RERE: variants seen among roughly 807,000 people sequenced by gnomAD.
The protein encoded by RERE is arginine-glutamic acid dipeptide repeats, also known as arginine-glutamic acid dipeptide repeats protein.
RERE carries 40 observed loss-of-function variants against 146.1 expected under a neutral mutation model. The ratio of observed to expected loss-of-function variants is 0.27; its 90% CI spans 0.21 to 0.36. The LOEUF (loss-of-function observed/expected upper bound fraction) is 0.36. RERE is among the 10% of genes least tolerant of loss of function. The pLI, the probability that RERE is intolerant of heterozygous loss-of-function variation, is 1.00. For missense variants in RERE, 1,933 were observed against 2,138.7 expected (o/e 0.90, Z 1.90); for synonymous variants, 1,003 against 866.0 (o/e 1.16, Z -2.78).
Position 8,360,913 on chromosome 1 carries a change from T to C in RERE, c.2594A>G (p.His865Arg). ...HSLQAGPLLQ[H>R]PGPPQPFGLP... ...GCCAAAGGGCTGTGGGGGGCCTGGG[T>C]GCTGCAGCAGGGGCCCAGCCTGCAG... Residue 865 changes from histidine (H) to arginine (R), a missense_variant, in exon 18 of 23, where the codon CAC becomes CGC. Physicochemically the swap from His to Arg is conservative, Grantham distance 29. This residue lies in a region of RERE where 1,255 missense variants were observed against 1,153.8 expected (regional missense o/e 1.09). Coordinates refer to ENST00000400908, the MANE Select transcript of RERE (RefSeq NM_001042681.2). 2 of 1,485,894 alleles carry C rather than the reference T, an allele frequency of 1.3e-6. No individual in the cohort carries two copies. The highest frequency in any genetic ancestry group is 1.8e-6 in the Non-Finnish European group (2 of 1,125,114). 92.0% of individuals were successfully genotyped at this position (1,485,894 alleles called of 1,614,324 possible). A position where few individuals can be genotyped will look rare whatever the true frequency, so the allele number is the denominator to read the frequency against.
At chr1:8,673,728 A>C (rs1458828694) in intron 1 of RERE, among the ~76,000 whole-genome samples, 1 of 152,214 alleles carries the variant, frequency 6.6e-6, no homozygotes, top group Non-Finnish European at 1.5e-5. Flanking sequence ...TCTGTAAAAA[A>C]TGGAGTGAAA....
chr1:8,423,796 G>T lies in RERE; in HGVS notation c.1204-989C>A. 1.5e-6 allele frequency: 1 copy of T among 659,606 alleles called. No homozygotes were observed. The highest frequency in any genetic ancestry group is 1.9e-6 in the Non-Finnish European group (1 of 535,432). 40.9% of individuals were successfully genotyped at this position (659,606 alleles called of 1,614,324 possible). A position where few individuals can be genotyped will look rare whatever the true frequency, so the allele number is the denominator to read the frequency against. The stretch of plus-strand genomic sequence containing the variant: ...GGGGGAGGAGGCAGGAGCGCGGCGC[G>T]CAGAGCCCGGCGCGGCCGCGGGCGG... On this transcript the variant is annotated intron_variant, in intron 11 of 22. Coordinates refer to ENST00000400908, the MANE Select transcript of RERE (RefSeq NM_001042681.2). This position sits in a 1 kb window ranked among gnomAD's most constrained non-coding sequence, Gnocchi z 5.4.
chr1:8,428,921 C>CT (rs1393420193), intron 11 of RERE, among the ~76,000 whole-genome samples: 1 of 152,182 alleles, frequency 6.6e-6, no homozygotes, highest in Non-Finnish European at 1.5e-5. Context: ...CTCAGCCTCA[C>CT]TGGTCTGCCT....
Position 8,423,371 on chromosome 1 carries a change from T to C in RERE, c.1204-564A>G, listed in dbSNP as rs1643943335. The C allele has an allele frequency of 4.5e-6, 1 of 223,832 alleles. No homozygotes were observed. Among genetic ancestry groups the C allele is most frequent in the South Asian group, 1.6e-4 (1 of 6,260 alleles). The allele number at this position is 223,832 out of a possible 1,614,324, so 13.9% of individuals were successfully genotyped here. On this transcript the variant is annotated intron_variant, in intron 11 of 22. Coordinates refer to ENST00000400908, the MANE Select transcript of RERE (RefSeq NM_001042681.2). The surrounding 1 kb of genome is among the most constrained non-coding windows in gnomAD (Gnocchi z 5.4). The stretch of plus-strand genomic sequence containing the variant: ...AGCGGGCCTGCCCCACCGTCCGTCA[T>C]TAAAAGCCACTCCGAGACACCAGAG...
intron 1 of RERE, among the ~76,000 whole-genome samples, chr1:8,664,751 C>A (rs1274258852): frequency 6.6e-6 from 1 of 152,136 alleles, no homozygotes; most frequent in Non-Finnish European, 1.5e-5. Flanking sequence ...CTTATACCTC[C>A]AAACACCTCC....
At chr1:8,525,683 C>T in intron 7 of RERE, 1 of 1,435,796 alleles carries the variant, frequency 7.0e-7, no homozygotes, top group Non-Finnish European at 9.3e-7. Context: ...TGAAATGATT[C>T]ATAAACACCT....
chr1:8,493,283 C>T (rs959283923), intron 10 of RERE, among the ~76,000 whole-genome samples: 21 of 152,152 alleles, frequency 1.4e-4, no homozygotes, highest in African/African-American at 4.8e-4. Flanking sequence ...CCCCTTCTGG[C>T]TTAATCATAT....
chr1:8,767,313 G>A (rs969701702), intron 1 of RERE, among the ~76,000 whole-genome samples: 2 of 152,156 alleles, frequency 1.3e-5, no homozygotes, highest in Non-Finnish European at 2.9e-5. Flanking sequence ...TGAAATAAAA[G>A]CAATGGAGGC....
chr1:8,470,582 G>A lies in RERE; in HGVS notation c.1105-4559C>T, dbSNP rs114082098. Among the ~76,000 whole-genome samples the A allele has an allele frequency of 8.5e-3, 1,295 of 152,032 alleles. 21 individuals are homozygous for A. Among genetic ancestry groups the A allele is most frequent in the African/African-American group, 0.029 (1,218 of 41,464 alleles). On this transcript the variant is annotated intron_variant, in intron 10 of 22. Coordinates refer to ENST00000400908, the MANE Select transcript of RERE (RefSeq NM_001042681.2). ...AGAGATATTTCTTGAATGGATGAAG[G>A]AAGAATATTATTGCGCTATCATCAG...
At chr1:8,490,041 G>A (rs564522471) in intron 10 of RERE, among the ~76,000 whole-genome samples, 7 of 133,056 alleles carry the variant, frequency 5.3e-5, no homozygotes, top group South Asian at 2.4e-4. Context: ...GCGACAGAGC[G>A]AGACTCTGTC....
chr1:8,565,865 T>G (rs1344732376), intron 4 of RERE, among the ~76,000 whole-genome samples: 1 of 152,206 alleles, frequency 6.6e-6, no homozygotes, highest in Non-Finnish European at 1.5e-5. Context: ...TCAAGGTTCA[T>G]GTATCCCAGG....
chr1:8,722,391 TA>T (rs1639880574), intron 1 of RERE, among the ~76,000 whole-genome samples: 1 of 152,260 alleles, frequency 6.6e-6, no homozygotes, highest in Non-Finnish European at 1.5e-5. Flanking sequence ...TATTGAGTGC[TA>T]ACTGTACACC....
intron 1 of RERE, among the ~76,000 whole-genome samples, chr1:8,796,006 A>C (rs1250471224): frequency 2.0e-5 from 3 of 151,528 alleles, no homozygotes; most frequent in Non-Finnish European, 4.4e-5. Flanking sequence ...AAACAAAACA[A>C]AACAGGAATT....
chr1:8,400,367 C>T (rs1262678296), intron 12 of RERE, among the ~76,000 whole-genome samples: 2 of 151,978 alleles, frequency 1.3e-5, no homozygotes, highest in African/African-American at 4.8e-5. Flanking sequence ...ATCCTCCCAC[C>T]TCAGCCTCCC....
At chr1:8,480,504 C>T (rs549500392) in intron 10 of RERE, among the ~76,000 whole-genome samples, 4 of 150,416 alleles carry the variant, frequency 2.7e-5, no homozygotes, top group African/African-American at 7.4e-5. Flanking sequence ...GGCATGATCT[C>T]GGCTCACTGC....
At chr1:8,497,698 T>C (rs1160976743) in intron 8 of RERE, among the ~76,000 whole-genome samples, 169 bp from the exon 9 acceptor site, 2 of 152,216 alleles carry the variant, frequency 1.3e-5, no homozygotes, top group Non-Finnish European at 2.9e-5. Flanking sequence ...CTATTTCACA[T>C]GTCAGGATCA....
rs199530884 is a variant in RERE, at chr1:8,661,573, G to GTAGTAGCA, written c.-144-5140_-144-5133dup. 4.5e-3 allele frequency among the ~76,000 whole-genome samples: 688 copies of GTAGTAGCA among 152,286 alleles called. 4 individuals are homozygous for GTAGTAGCA. Among genetic ancestry groups the GTAGTAGCA allele is most frequent in the African/African-American group, 0.016 (660 of 41,556 alleles). Reference sequence around the variant, plus strand: ...CAAGCAGCAGCTGGGAAGGGCTGGGGTAGTAGCAACAGAGAATGGGGAAAG... The same window carrying GTAGTAGCA: ...CAAGCAGCAGCTGGGAAGGGCTGGGGTAGTAGCATAGTAGCAACAGAGAATGGGGAAAG... On this transcript the variant is annotated intron_variant, in intron 1 of 22. Transcript: ENST00000400908.
At chr1:8,702,498 C>T (rs911140019) in intron 1 of RERE, among the ~76,000 whole-genome samples, 3 of 152,164 alleles carry the variant, frequency 2.0e-5, no homozygotes, top group Non-Finnish European at 2.9e-5. Flanking sequence ...AAACGTAAAA[C>T]AATCGTCAAG....
chr1:8,800,372 G>GT (rs1641564802), intron 1 of RERE, among the ~76,000 whole-genome samples: 1 of 152,036 alleles, frequency 6.6e-6, no homozygotes, highest in South Asian at 2.1e-4. Flanking sequence ...ATTTAAATGT[G>GT]TTTTAAAAAT....
Sources: gnomAD v4.1 joint callset for allele counts (sites outside exome capture counted in the v4.1 genomes callset) on GRCh38, gnomAD v4.1.1 for gene constraint, gnomAD v4.1.1 regional missense constraint, Gnocchi (gnomAD v3.1) non-coding constraint, MANE v1.5 for transcripts, NCBI Gene and HGNC (gene_info 2026-07-23, HGNC 2026-07-21) for gene names.